Variants in NELL2 observed in about 807,000 individuals in gnomAD.
NELL2 encodes protein kinase C-binding protein NELL2.
Under a neutral mutation model 109.6 loss-of-function variants are expected in NELL2, and 41 were observed. That is an observed-to-expected ratio of 0.37 (90% CI 0.29 to 0.49). The LOEUF is 0.49. Ranked by LOEUF, NELL2 falls within the 20% of genes least tolerant of loss-of-function variation. NELL2 has a pLI of 0.98. For synonymous variants in NELL2, 355 were observed against 344.7 expected, an observed-to-expected ratio of 1.03 and a Z score of -0.33; for missense variants, 900 against 1,008.3, an observed-to-expected ratio of 0.89 and a Z score of 1.45.
intron 15 of NELL2, among the ~76,000 whole-genome samples, chr12:44,605,071 A>G (rs1053405007): frequency 2.6e-5 from 4 of 152,036 alleles, no homozygotes; most frequent in African/African-American, 7.2e-5. Context: ...TTGGTAGAGG[A>G]TGGTAACTGG....
chr12:44,732,456 A>G (rs1939419944), intron 9 of NELL2, among the ~76,000 whole-genome samples: 1 of 152,048 alleles, frequency 6.6e-6, no homozygotes, highest in African/African-American at 2.4e-5. Flanking sequence ...CACAATGGGG[A>G]AAAGATAGTC....
At chr12:44,626,542 T>C (rs1270029195) in intron 13 of NELL2, among the ~76,000 whole-genome samples, 4 of 152,214 alleles carry the variant, frequency 2.6e-5, no homozygotes, top group African/African-American at 9.6e-5. Context: ...CTTATATATT[T>C]ATGGTCTGTC....
intron 9 of NELL2, among the ~76,000 whole-genome samples, chr12:44,757,083 T>A (rs1940923331): frequency 2.0e-5 from 3 of 152,168 alleles, no homozygotes; most frequent in Admixed American, 2.0e-4. Flanking sequence ...ATCATAGCCA[T>A]CCATCCACTT....
intron 19 of NELL2, among the ~76,000 whole-genome samples, chr12:44,518,505 A>C (rs879741126): frequency 6.6e-6 from 1 of 152,148 alleles, no homozygotes; most frequent in Non-Finnish European, 1.5e-5. Flanking sequence ...TCAGCCTCCC[A>C]AAATGCTGGG....
chr12:44,816,780 C>A (rs189288321), intron 2 of NELL2, among the ~76,000 whole-genome samples: 83 of 152,290 alleles, frequency 5.5e-4, no homozygotes, highest in Admixed American at 4.0e-3. Flanking sequence ...TTAGAGAAAG[C>A]CTAGCCAAGG....
At chr12:44,811,163 C>T (rs1347066190) in intron 3 of NELL2, among the ~76,000 whole-genome samples, 1 of 151,644 alleles carries the variant, frequency 6.6e-6, no homozygotes, top group Non-Finnish European at 1.5e-5. Flanking sequence ...ACATCACACA[C>T]TGGGCCTCGC....
Position 44,793,324 on chromosome 12 carries a change from TAAC to T in NELL2, c.336-13305_336-13303del, listed in dbSNP as rs536914544. The stretch of plus-strand genomic sequence containing the variant: ...AGAGAGTCCCTTTTATCTTCTTGTT[TAAC>T]AACAAGTATTCATTATTTAATCAAT... On this transcript the variant is annotated intron_variant, in intron 3 of 19. Coordinates refer to ENST00000429094, the MANE Select transcript of NELL2 (RefSeq NM_001145108.2). 4.3e-3 allele frequency among the ~76,000 whole-genome samples: 656 copies of T among 152,328 alleles called. 5 individuals are homozygous for T. The highest frequency in any genetic ancestry group is 6.7e-3 in the Non-Finnish European group (456 of 68,014).
At chr12:44,653,085 A>G (rs1034483490) in intron 13 of NELL2, among the ~76,000 whole-genome samples, 3 of 152,176 alleles carry the variant, frequency 2.0e-5, no homozygotes, top group Non-Finnish European at 4.4e-5. Context: ...GTAAGGTAGC[A>G]TATTATTCAC....
At chr12:44,895,226 A>G (rs2136874026) in intron 1 of NELL2, among the ~76,000 whole-genome samples, 1 of 152,262 alleles carries the variant, frequency 6.6e-6, no homozygotes. Flanking sequence ...AAGAGCATCT[A>G]TTTCCCAGTG....
In NELL2 at chr12:44,508,918, C is replaced by T. The variant is rs746570224; in HGVS notation, c.*16G>A. ...GAACATTCTTTTAACAGAAATCTCCCATGAGACAGTTAACTTCACAGTTCC... is the reference window on the plus strand; with the variant it reads ...GAACATTCTTTTAACAGAAATCTCCTATGAGACAGTTAACTTCACAGTTCC... On this transcript the variant is annotated 3_prime_UTR_variant, in exon 20 of 20. Coordinates refer to ENST00000429094, the MANE Select transcript of NELL2 (RefSeq NM_001145108.2). The T allele has an allele frequency of 3.1e-6, 5 of 1,605,818 alleles. No homozygotes were observed. In the African/African-American group the frequency reaches 6.7e-5, roughly 22 times the overall value.
At chr12:44,687,442 A>G (rs1190910344) in intron 12 of NELL2, among the ~76,000 whole-genome samples, 5 of 152,028 alleles carry the variant, frequency 3.3e-5, no homozygotes, top group Non-Finnish European at 7.4e-5. Flanking sequence ...CTCTTTGTGC[A>G]ATTCTTATAT....
At chr12:44,800,728 A>T (rs1942799504) in intron 3 of NELL2, among the ~76,000 whole-genome samples, 1 of 152,208 alleles carries the variant, frequency 6.6e-6, no homozygotes, top group Non-Finnish European at 1.5e-5. Context: ...CTTTAGGCCA[A>T]TAAAGCCTGG....
At chr12:44,734,728 C>T (rs1442910667) in intron 9 of NELL2, among the ~76,000 whole-genome samples, 1 of 151,888 alleles carries the variant, frequency 6.6e-6, no homozygotes, top group African/African-American at 2.4e-5. Context: ...ATTCTCCCTA[C>T]TATAATGTTA....
intron 13 of NELL2, among the ~76,000 whole-genome samples, chr12:44,622,043 A>T (rs528383878): frequency 6.6e-6 from 1 of 152,200 alleles, no homozygotes; most frequent in South Asian, 2.1e-4. Context: ...AGATCTTTGA[A>T]CCCTCACATC....
chr12:44,564,805 A>G (rs1039314031), intron 15 of NELL2, among the ~76,000 whole-genome samples: 1 of 152,166 alleles, frequency 6.6e-6, no homozygotes, highest in Admixed American at 6.6e-5. Context: ...TTCATTACAC[A>G]CTACACGAAG....
intron 2 of NELL2, among the ~76,000 whole-genome samples, chr12:44,856,521 T>C (rs369577139): frequency 6.6e-6 from 1 of 152,166 alleles, no homozygotes; most frequent in African/African-American, 2.4e-5. Flanking sequence ...AAACTTGTTA[T>C]CTGAGAAAAA....
chr12:44,529,992 G>A (rs527728976), intron 16 of NELL2, among the ~76,000 whole-genome samples: 1 of 152,272 alleles, frequency 6.6e-6, no homozygotes, highest in South Asian at 2.1e-4. Flanking sequence ...AACACTGATA[G>A]GAATGATGCA....
rs1411104480 is a variant in NELL2, at chr12:44,815,992, T to C, written c.329A>G (p.Asp110Gly). Residue 110 changes from aspartate (D) to glycine (G), a missense_variant, in exon 3 of 20, where the codon GAT (aspartate) becomes GGT (glycine). Transcript: ENST00000429094. The part of the protein sequence containing the change: ...SGVILSIHHL[D>G]HRYLELESSG... ...CTCCAGCAACCACATTTACCTGTGA[T>C]CCAAGTGGTGAATTGAGAGAATAAC... 1.2e-6 allele frequency: 2 copies of C among 1,611,392 alleles called. No homozygotes were observed. The highest frequency in any genetic ancestry group is 2.2e-5 in the East Asian group (1 of 44,752).
chr12:44,567,850 T>C (rs891769417), intron 15 of NELL2, among the ~76,000 whole-genome samples: 3 of 152,116 alleles, frequency 2.0e-5, no homozygotes, highest in African/African-American at 4.8e-5. Context: ...CTTCCCTTTA[T>C]AGATGAGGAC....
Sources: gnomAD v4.1 joint callset for allele counts (sites outside exome capture counted in the v4.1 genomes callset) on GRCh38, gnomAD v4.1.1 for gene constraint, MANE v1.5 for transcripts, NCBI Gene and HGNC (gene_info 2026-07-23, HGNC 2026-07-21) for gene names.